The following C3orf70 variants were observed in gnomAD, a reference collection of about 807,000 sequenced individuals.
C3orf70 encodes the protein UPF0524 protein C3orf70.
In C3orf70, 15 loss-of-function variants were observed where a neutral mutation model predicts 20.7. That is an observed-to-expected ratio of 0.72 (90% CI 0.48 to 1.11). The LOEUF (loss-of-function observed/expected upper bound fraction) is 1.11, where lower values mean the gene tolerates loss of function less well. Ranked by LOEUF, C3orf70 falls within the 50% of genes most tolerant of loss-of-function variation. The pLI is 0.00. For synonymous variants in C3orf70, 161 were observed against 125.7 expected, an observed-to-expected ratio of 1.28 and a Z score of -1.88; for missense variants, 332 against 317.6, an observed-to-expected ratio of 1.05 and a Z score of -0.34.
chr3:185,090,547 G>GA (rs527781104), intron 1 of C3orf70, among the ~76,000 whole-genome samples: 18 of 151,840 alleles, frequency 1.2e-4, no homozygotes, highest in African/African-American at 2.9e-4. Flanking sequence ...TAAATCTACT[G>GA]AAAAAAAATG....
chr3:185,121,388 G>T (rs1013741142), intron 1 of C3orf70, among the ~76,000 whole-genome samples: 1 of 151,702 alleles, frequency 6.6e-6, no homozygotes, highest in African/African-American at 2.4e-5. Context: ...GCATGATTCT[G>T]TTAGAAAGAA....
intron 1 of C3orf70, among the ~76,000 whole-genome samples, chr3:185,151,245 A>T (rs1716983402): frequency 6.6e-6 from 1 of 152,240 alleles, no homozygotes; most frequent in African/African-American, 2.4e-5. Flanking sequence ...GTACTTAGAG[A>T]AGACACTGTC....
At position 185,078,988 on chromosome 3, in the gene C3orf70, A is replaced by G. The variant is rs1715264130; in HGVS notation, c.*4019T>C. On this transcript the variant is annotated 3_prime_UTR_variant, in exon 2 of 2. Coordinates refer to ENST00000335012, the MANE Select transcript of C3orf70 (RefSeq NM_001025266.3). Reference sequence around the variant, plus strand: ...CAAATAGACCAAGAAGTGGAGGATTAGAAGTAAAGCCGGCCGGGCGTGGTG... The same window carrying G: ...CAAATAGACCAAGAAGTGGAGGATTGGAAGTAAAGCCGGCCGGGCGTGGTG... 6.6e-6 allele frequency: 1 copy of G among 152,200 alleles called. No individual in the cohort carries two copies. Among genetic ancestry groups the G allele is most frequent in the African/African-American group, 2.4e-5 (1 of 41,424 alleles). 9.4% of individuals were successfully genotyped at this position (152,200 alleles called of 1,614,324 possible). A position where few individuals can be genotyped will look rare whatever the true frequency, so the allele number is the denominator to read the frequency against.
At chr3:185,142,786 T>C (rs956620430) in intron 1 of C3orf70, among the ~76,000 whole-genome samples, 7 of 152,238 alleles carry the variant, frequency 4.6e-5, no homozygotes, top group Admixed American at 6.5e-5. Flanking sequence ...TGTTTTCTCA[T>C]GTGATGCTGT....
intron 1 of C3orf70, among the ~76,000 whole-genome samples, chr3:185,109,365 C>T (rs1287634947): frequency 6.6e-6 from 1 of 152,170 alleles, no homozygotes; most frequent in Non-Finnish European, 1.5e-5. Context: ...TCAAAATCAA[C>T]AGCTGATTTG....
chr3:185,138,909 G>A (rs1716683655), intron 1 of C3orf70, among the ~76,000 whole-genome samples: 1 of 152,122 alleles, frequency 6.6e-6, no homozygotes, highest in Non-Finnish European at 1.5e-5. Context: ...AGACCAGCCT[G>A]GGCAAAATAG....
At chr3:185,129,299 C>T (rs1716480932) in intron 1 of C3orf70, among the ~76,000 whole-genome samples, 1 of 152,166 alleles carries the variant, frequency 6.6e-6, no homozygotes, top group Admixed American at 6.5e-5. Context: ...TTGTTTAGCT[C>T]CCACTTACAA....
At chr3:185,149,895 C>T (rs992633189) in intron 1 of C3orf70, among the ~76,000 whole-genome samples, 3 of 152,142 alleles carry the variant, frequency 2.0e-5, no homozygotes, top group Admixed American at 6.5e-5. Flanking sequence ...GTATACTTGA[C>T]GTCAATCCTT....
Position 185,080,326 on chromosome 3 carries a change from G to T in C3orf70, c.*2681C>A, listed in dbSNP as rs768266674. 6.6e-6 allele frequency: 1 copy of T among 152,648 alleles called. No individual in the cohort carries two copies. Among genetic ancestry groups the T allele is most frequent in the Non-Finnish European group, 1.5e-5 (1 of 68,050 alleles). 9.5% of individuals were successfully genotyped at this position (152,648 alleles called of 1,614,324 possible). On this transcript the variant is annotated 3_prime_UTR_variant, in exon 2 of 2. Coordinates refer to ENST00000335012, the MANE Select transcript of C3orf70 (RefSeq NM_001025266.3). ...AAAATTGTGTCTAATCAGAATGGCA[G>T]TTCAGGAGTCTAAAAAAACAGGAAC...
At chr3:185,098,393 A>G (rs1715753351) in intron 1 of C3orf70, among the ~76,000 whole-genome samples, 1 of 152,274 alleles carries the variant, frequency 6.6e-6, no homozygotes, top group Non-Finnish European at 1.5e-5. Context: ...CTATGAGCCT[A>G]AAATGCCAGA....
chr3:185,137,678 CAA>C (rs1434701908), intron 1 of C3orf70, among the ~76,000 whole-genome samples: 6 of 152,060 alleles, frequency 3.9e-5, no homozygotes, highest in African/African-American at 1.4e-4. Context: ...CGAGGGAAAT[CAA>C]AAGTTACATG....
chr3:185,150,769 C>T (rs1716976373), intron 1 of C3orf70, among the ~76,000 whole-genome samples: 1 of 152,174 alleles, frequency 6.6e-6, no homozygotes, highest in East Asian at 1.9e-4. Flanking sequence ...AGGATCAAAA[C>T]CACCTTGGCA....
intron 1 of C3orf70, among the ~76,000 whole-genome samples, chr3:185,151,291 C>G (rs1716984434): frequency 2.0e-5 from 3 of 152,186 alleles, no homozygotes; most frequent in Non-Finnish European, 4.4e-5. Context: ...CTATCTTGAA[C>G]ATTCCTCACA....
At chr3:185,083,630 T>C in intron 1 of C3orf70, 67 bp from the exon 2 acceptor site, 1 of 1,353,314 alleles carries the variant, frequency 7.4e-7, no homozygotes, top group Non-Finnish European at 9.9e-7. Context: ...GCCATAATGG[T>C]TTCTGAGGAC....
At chr3:185,127,487 T>A (rs1716436943) in intron 1 of C3orf70, among the ~76,000 whole-genome samples, 1 of 152,172 alleles carries the variant, frequency 6.6e-6, no homozygotes, top group African/African-American at 2.4e-5. Flanking sequence ...TCACCCAGGA[T>A]GGAGTGCAGT....
chr3:185,127,955 AACAAAC>A (rs1461695748), intron 1 of C3orf70, among the ~76,000 whole-genome samples: 1 of 152,230 alleles, frequency 6.6e-6, no homozygotes, highest in Non-Finnish European at 1.5e-5. Context: ...GATTCACTAA[AACAAAC>A]ACAAAGTTAA....
chr3:185,095,066 A>G (rs1343781937), intron 1 of C3orf70, among the ~76,000 whole-genome samples: 1 of 152,218 alleles, frequency 6.6e-6, no homozygotes, highest in Non-Finnish European at 1.5e-5. Flanking sequence ...GAAAAACTGC[A>G]TGGGTACCAC....
chr3:185,131,750 T>C (rs1716528183), intron 1 of C3orf70, among the ~76,000 whole-genome samples: 1 of 152,234 alleles, frequency 6.6e-6, no homozygotes, highest in African/African-American at 2.4e-5. Flanking sequence ...AGCATAATGT[T>C]TACTTTGAGG....
intron 1 of C3orf70, among the ~76,000 whole-genome samples, chr3:185,125,009 C>T (rs1274879862): frequency 1.3e-5 from 2 of 151,948 alleles, no homozygotes; most frequent in East Asian, 1.9e-4. Flanking sequence ...CTGACATTGT[C>T]GAGTGCTGGC....
Sources: gnomAD v4.1 joint callset for allele counts (sites outside exome capture counted in the v4.1 genomes callset) on GRCh38, gnomAD v4.1.1 for gene constraint, MANE v1.5 for transcripts, NCBI Gene and HGNC (gene_info 2026-07-23, HGNC 2026-07-21) for gene names.